NOL10: variants seen among roughly 807,000 people sequenced by gnomAD.
NOL10 encodes the protein H_NH0074G24.1.
A neutral mutation model predicts 103.5 loss-of-function variants in NOL10; 58 were observed. The observed-to-expected ratio is 0.56, with a 90% confidence interval of 0.45 to 0.70. The LOEUF (loss-of-function observed/expected upper bound fraction) is 0.70. NOL10 is among the 30% of genes least tolerant of loss of function. The pLI, the probability that NOL10 is intolerant of heterozygous loss-of-function variation, is 0.00. For synonymous variants in NOL10, 287 were observed against 282.5 expected (o/e 1.02, Z -0.16); for missense variants, 763 against 807.3 (o/e 0.95, Z 0.67).
chr2:10,577,782 T>C, intron 19 of NOL10, 44 bp from the exon 20 acceptor site: 1 of 1,301,698 alleles, frequency 7.7e-7, no homozygotes, highest in Non-Finnish European at 1.1e-6. Flanking sequence ...AAAATTATGT[T>C]TTAATTTACC....
At chr2:10,604,116 C>CATAG (rs1362543360) in intron 14 of NOL10, among the ~76,000 whole-genome samples, 1 of 152,216 alleles carries the variant, frequency 6.6e-6, no homozygotes, top group Non-Finnish European at 1.5e-5. Flanking sequence ...GTTTCACGCT[C>CATAG]CTATAAGAAT....
At chr2:10,619,972 T>G (rs1202034399) in intron 13 of NOL10, among the ~76,000 whole-genome samples, 1 of 152,196 alleles carries the variant, frequency 6.6e-6, no homozygotes, top group Non-Finnish European at 1.5e-5. Flanking sequence ...CTACACCAAA[T>G]GCTAAACTTG....
chr2:10,609,249 T>TA (rs58851320), intron 13 of NOL10, among the ~76,000 whole-genome samples: 88,306 of 149,790 alleles, frequency 0.59, 27,001 homozygotes, highest in African/African-American at 0.74. Flanking sequence ...GAAGATGGCT[T>TA]AAAAAAAACT....
chr2:10,654,496 G>C lies in NOL10; in HGVS notation c.958C>G (p.Leu320Val), dbSNP rs766465091. The C allele has an allele frequency of 6.2e-7, 1 of 1,600,982 alleles. No homozygotes were observed. The highest frequency in any genetic ancestry group is 1.8e-5 in the Admixed American group (1 of 55,994). The change falls in exon 12 of 21, where the codon CTC (leucine) becomes GTC (valine). Residue 320 changes from leucine (L) to valine (V), a missense_variant. By Grantham distance (32) the Leu-to-Val change is conservative. Transcript: ENST00000381685. The part of the protein sequence containing the change: ...EPEHDLNDVC[L>V]YPNSGMLLTA... ...GAATGCATACCTGAGTTGGGGTAGAGACAAACATCATTAAGGTCATGCTCT... is the reference window on the plus strand; with the variant it reads ...GAATGCATACCTGAGTTGGGGTAGACACAAACATCATTAAGGTCATGCTCT...
At chr2:10,649,123 A>G (rs744809) in intron 12 of NOL10, among the ~76,000 whole-genome samples, 44,294 of 151,860 alleles carry the variant, frequency 0.29, 7,029 homozygotes, top group Non-Finnish European at 0.36. Flanking sequence ...GATCAATGCC[A>G]CCCTGGGTGC....
intron 19 of NOL10, among the ~76,000 whole-genome samples, chr2:10,581,041 A>G (rs1674722917): frequency 6.6e-6 from 1 of 152,268 alleles, no homozygotes; most frequent in Non-Finnish European, 1.5e-5. Flanking sequence ...TACATATGCC[A>G]TAAGGTTTAG....
intron 1 of NOL10, among the ~76,000 whole-genome samples, chr2:10,686,289 G>T (rs566751589): frequency 4.6e-5 from 7 of 152,298 alleles, no homozygotes; most frequent in Admixed American, 2.0e-4. Flanking sequence ...AGGAGGCAAA[G>T]CCTGGAGAAC....
intron 13 of NOL10, among the ~76,000 whole-genome samples, chr2:10,640,047 G>C (rs1678595455): frequency 6.6e-6 from 1 of 152,132 alleles, no homozygotes; most frequent in Admixed American, 6.6e-5. Flanking sequence ...CAAGCTAAAA[G>C]AACACTAAGT....
chr2:10,601,509 A>G (rs1675975227), intron 16 of NOL10, among the ~76,000 whole-genome samples: 1 of 152,050 alleles, frequency 6.6e-6, no homozygotes, highest in African/African-American at 2.4e-5. Flanking sequence ...CAGGGCACTG[A>G]GAGCCTCTTT....
At chr2:10,596,158 G>A (rs180690413) in intron 17 of NOL10, among the ~76,000 whole-genome samples, 19 of 146,678 alleles carry the variant, frequency 1.3e-4, no homozygotes, top group African/African-American at 4.8e-4. Flanking sequence ...TCTTCCATGG[G>A]TTCCTAACCA....
rs765847698 is a variant in NOL10, at chr2:10,607,336, G to A, written c.1027-25C>T. 3.2e-6 allele frequency: 5 copies of A among 1,582,118 alleles called. No homozygotes were observed. The South Asian group carries it at 4.7e-5, about 15-fold the overall frequency. On this transcript the variant is annotated intron_variant, in intron 13 of 20. Coordinates refer to ENST00000381685, the MANE Select transcript of NOL10 (RefSeq NM_024894.4). Reference sequence around the variant, plus strand: ...CCTGTTGGTGTTTATGAGAAGGTCAGCAAAGGCACAGTTTACCACGCCATC... The same window carrying A: ...CCTGTTGGTGTTTATGAGAAGGTCAACAAAGGCACAGTTTACCACGCCATC...
Position 10,675,805 on chromosome 2 carries a change from A to G in NOL10, c.278T>C (p.Leu93Ser), listed in dbSNP as rs778094190. ...AGCTTTTTACTCACCTTCTGAATCT[A>G]AACACCTTTCAAACTTCAAGGATAA... ...YQLSLKFERC[L>S]DSEVVTFEIL... is the part of the protein sequence containing the mutation. Residue 93 changes from leucine (L) to serine (S), a missense_variant, in exon 4 of 21, where the codon TTA (leucine) becomes TCA (serine). Physicochemically the swap from Leu to Ser is moderately radical, Grantham distance 145 (BLOSUM62 -2). Transcript: ENST00000381685. 1.9e-5 allele frequency: 29 copies of G among 1,567,100 alleles called. No homozygotes were observed. The Middle Eastern group carries it at 2.2e-3, about 118-fold the overall frequency.
intron 13 of NOL10, among the ~76,000 whole-genome samples, chr2:10,638,323 G>A (rs1678427487): frequency 7.8e-6 from 1 of 128,866 alleles, no homozygotes; most frequent in Non-Finnish European, 1.5e-5. Context: ...GTGACGTGAC[G>A]TGACGTGACG....
intron 13 of NOL10, among the ~76,000 whole-genome samples, chr2:10,621,647 G>A (rs1677155257): frequency 6.6e-6 from 1 of 152,104 alleles, no homozygotes; most frequent in South Asian, 2.1e-4. Context: ...CAAGACAAAA[G>A]GAGATGCACA....
At chr2:10,653,235 T>C (rs539912598) in intron 12 of NOL10, among the ~76,000 whole-genome samples, 3 of 151,062 alleles carry the variant, frequency 2.0e-5, no homozygotes, top group South Asian at 2.1e-4. Flanking sequence ...GCCCTTTCCA[T>C]AGACACTATG....
intron 12 of NOL10, among the ~76,000 whole-genome samples, chr2:10,646,891 G>A (rs1017130053): frequency 1.3e-5 from 2 of 152,298 alleles, no homozygotes; most frequent in African/African-American, 4.8e-5. Flanking sequence ...ACATGGCAAC[G>A]TGAAAGATGT....
chr2:10,571,953 CAAG>C lies in NOL10; in HGVS notation c.*115_*117del. The C allele has an allele frequency of 8.0e-7, 1 of 1,251,028 alleles. No individual in the cohort carries two copies. The highest frequency in any genetic ancestry group is 1.4e-5 in the South Asian group (1 of 70,180). The allele number at this position is 1,251,028 out of a possible 1,614,324, so 77.5% of individuals were successfully genotyped here. ...GTTTTCAAATCTTTACCTCTGTGTA[CAAG>C]AACGTACATGAACTTTAAAAACGTG... On this transcript the variant is annotated 3_prime_UTR_variant, in exon 21 of 21. Coordinates refer to ENST00000381685, the MANE Select transcript of NOL10 (RefSeq NM_024894.4).
chr2:10,636,838 C>T (rs1217061943), intron 13 of NOL10, among the ~76,000 whole-genome samples: 2 of 152,136 alleles, frequency 1.3e-5, no homozygotes, highest in Non-Finnish European at 2.9e-5. Flanking sequence ...GAGTTTAGAA[C>T]TAGACTAACA....
intron 19 of NOL10, among the ~76,000 whole-genome samples, chr2:10,580,783 A>C (rs1316778971): frequency 6.6e-6 from 1 of 152,082 alleles, no homozygotes; most frequent in South Asian, 2.1e-4. Flanking sequence ...TCCTCAGATG[A>C]GAGGTTTTGA....
Sources: gnomAD v4.1 joint callset for allele counts (sites outside exome capture counted in the v4.1 genomes callset) on GRCh38, gnomAD v4.1.1 for gene constraint, MANE v1.5 for transcripts, NCBI Gene and HGNC (gene_info 2026-07-23, HGNC 2026-07-21) for gene names.